The following TBCE variants were observed in gnomAD, a reference collection of about 807,000 sequenced individuals.
The protein encoded by TBCE is tubulin folding cofactor E.
Under a neutral mutation model 77.0 loss-of-function variants are expected in TBCE, and 53 were observed. The ratio of observed to expected loss-of-function variants is 0.69; its 90% CI spans 0.55 to 0.87. The LOEUF (loss-of-function observed/expected upper bound fraction) is 0.87, where lower values mean the gene tolerates loss of function less well. Among genes scored for constraint, TBCE ranks in the 40% least tolerant of loss-of-function variants. The pLI is 0.00. For synonymous variants in TBCE, 235 were observed against 241.3 expected (o/e 0.97, Z 0.24); for missense variants, 624 against 622.4 (o/e 1.00, Z -0.03).
intron 16 of TBCE, 88 bp downstream of exon 16, chr1:235,448,528 T>G (rs1470828068): frequency 1.4e-6 from 2 of 1,439,204 alleles, no homozygotes; most frequent in African/African-American, 2.8e-5. Flanking sequence ...AACAGTTTGA[T>G]TCTAAATGGA....
chr1:235,423,746 T>C (rs954149467), intron 5 of TBCE: 2 of 152,382 alleles, frequency 1.3e-5, no homozygotes, highest in Non-Finnish European at 2.9e-5. Context: ...TTCCATTTGA[T>C]GCGACGGCCA....
chr1:235,401,417 G>C, intron 2 of TBCE, 86 bp from the exon 3 acceptor site: 4 of 1,140,794 alleles, frequency 3.5e-6, no homozygotes, highest in Non-Finnish European at 5.3e-6. Flanking sequence ...TATGGTTTCC[G>C]CTGCAAATTG....
In TBCE at chr1:235,374,415, C is replaced by T. The variant is rs1417407595; in HGVS notation, c.-31-5604C>T. On this transcript the variant is annotated intron_variant, in intron 1 of 16. Coordinates refer to ENST00000642610, the MANE Select transcript of TBCE (RefSeq NM_003193.5). ...AATGCTATAAGGAGGGTTTAAGGAG[C>T]TGGAAATGTTTACCCTGGTAGAGAG... is the stretch of plus-strand genomic sequence containing the variant. 3.4e-5 allele frequency among the ~76,000 whole-genome samples: 5 copies of T among 146,278 alleles called. 1 individual carries two copies. The highest frequency in any genetic ancestry group is 1.3e-4 in the African/African-American group (5 of 37,956).
At chr1:235,395,996 G>A (rs1385153108) in intron 2 of TBCE, among the ~76,000 whole-genome samples, 4 of 152,070 alleles carry the variant, frequency 2.6e-5, no homozygotes, top group Non-Finnish European at 4.4e-5. Flanking sequence ...GCAAATGACA[G>A]GATCTCATTA....
chr1:235,440,836 C>G (rs932923542), intron 13 of TBCE: 2 of 152,260 alleles, frequency 1.3e-5, no homozygotes, highest in African/African-American at 4.8e-5. Context: ...CTTAAATCCT[C>G]CAGCCTGGTT....
At chr1:235,429,757 GC>G (rs1207977090) in intron 6 of TBCE, 1 of 147,430 alleles carries the variant, frequency 6.8e-6, no homozygotes, top group Non-Finnish European at 1.5e-5. Flanking sequence ...TCACTCTGTT[GC>G]CCAGGCTGGA....
At chr1:235,385,861 T>C (rs955455396) in intron 2 of TBCE, among the ~76,000 whole-genome samples, 5 of 152,218 alleles carry the variant, frequency 3.3e-5, no homozygotes, top group African/African-American at 1.2e-4. Flanking sequence ...CCTGTCATTA[T>C]GATGTTAGCT....
chr1:235,412,891 C>T (rs915965635), intron 3 of TBCE, among the ~76,000 whole-genome samples: 2 of 152,168 alleles, frequency 1.3e-5, no homozygotes, highest in African/African-American at 4.8e-5. Context: ...GCAACCTCTG[C>T]CTCCCGGGTT....
chr1:235,403,005 C>A (rs1572369122), intron 3 of TBCE, among the ~76,000 whole-genome samples: 2 of 152,188 alleles, frequency 1.3e-5, no homozygotes, highest in East Asian at 3.9e-4. Flanking sequence ...AATTAGGTAA[C>A]CACACAGCAT....
chr1:235,373,941 A>G (rs892095496), intron 1 of TBCE, among the ~76,000 whole-genome samples: 2 of 144,028 alleles, frequency 1.4e-5, no homozygotes, highest in African/African-American at 5.4e-5. Context: ...GAGCCACCGC[A>G]CCCAGACTTG....
chr1:235,390,041 G>T (rs1438550161), intron 2 of TBCE, among the ~76,000 whole-genome samples: 6 of 151,746 alleles, frequency 4.0e-5, no homozygotes, highest in Non-Finnish European at 8.8e-5. Context: ...CAGCAGAATC[G>T]CTTGAACACG....
intron 14 of TBCE, 49 bp from the exon 15 acceptor site, chr1:235,442,803 C>A: frequency 1.3e-6 from 2 of 1,565,858 alleles, no homozygotes; most frequent in Non-Finnish European, 1.8e-6. Context: ...TAATTTAAAT[C>A]CATATAATAG....
At chr1:235,382,434 G>A (rs1677737631) in intron 2 of TBCE, among the ~76,000 whole-genome samples, 1 of 152,140 alleles carries the variant, frequency 6.6e-6, no homozygotes, top group Non-Finnish European at 1.5e-5. Context: ...CCCACCAACA[G>A]TGTAAAAGTG....
intron 11 of TBCE, among the ~76,000 whole-genome samples, 183 bp from the exon 12 acceptor site, chr1:235,437,129 AAAAACAAAAC>A (rs202162200): frequency 6.6e-6 from 1 of 152,080 alleles, no homozygotes; most frequent in African/African-American, 2.4e-5. Flanking sequence ...CTCCATCTCA[AAAAACAAAAC>A]AAAACAAAAC....
intron 3 of TBCE, among the ~76,000 whole-genome samples, chr1:235,403,927 T>C (rs112819891): frequency 1.7e-4 from 26 of 152,302 alleles, no homozygotes; most frequent in Middle Eastern, 3.4e-3. Flanking sequence ...TGCTGAATAC[T>C]GTAGGCAATT....
intron 2 of TBCE, among the ~76,000 whole-genome samples, chr1:235,387,714 T>C (rs1338091774): frequency 2.0e-5 from 3 of 152,164 alleles, no homozygotes; most frequent in Non-Finnish European, 2.9e-5. Flanking sequence ...CCCCTTTCTT[T>C]GACTAGCAAA....
chr1:235,374,910 CT>C lies in TBCE; in HGVS notation c.-31-5100del, dbSNP rs1179023314. 1.5e-4 allele frequency among the ~76,000 whole-genome samples: 19 copies of C among 128,770 alleles called. 3 individuals are homozygous for C. The highest frequency in any genetic ancestry group is 5.7e-4 in the African/African-American group (18 of 31,488). 84.5% of individuals were successfully genotyped at this position (128,770 alleles called of 152,430 possible). ...GTGAAAATGATAGAGATGTAGATTTCTTTTTTTTTCTTTTTTTTTTTTTTTT... is the reference window on the plus strand; with the variant it reads ...GTGAAAATGATAGAGATGTAGATTTCTTTTTTTTCTTTTTTTTTTTTTTTT... On this transcript the variant is annotated intron_variant, in intron 1 of 16. Transcript: ENST00000642610.
At chr1:235,418,011 A>G (rs1680198854) in intron 4 of TBCE, among the ~76,000 whole-genome samples, 1 of 151,844 alleles carries the variant, frequency 6.6e-6, no homozygotes, top group Admixed American at 6.6e-5. Context: ...CGAACTCCTG[A>G]CCCCAGGTGA....
rs75119619 is a variant in TBCE at position 235,423,946 on chromosome 1, G to A, written c.461-3194G>A. Among the ~76,000 whole-genome samples, 110 of 152,284 alleles carry A rather than the reference G, an allele frequency of 7.2e-4. 1 individual carries two copies. Among genetic ancestry groups the A allele is most frequent in the African/African-American group, 2.6e-3 (106 of 41,566 alleles). On this transcript the variant is annotated intron_variant, in intron 5 of 16. Coordinates refer to ENST00000642610, the MANE Select transcript of TBCE (RefSeq NM_003193.5). The stretch of plus-strand genomic sequence containing the variant: ...GCATCTTCTCTGCCGTCCTTCCCTT[G>A]TTCCTGACCTTCTTGCAGAGCTTCC...
Sources: gnomAD v4.1 joint callset for allele counts (sites outside exome capture counted in the v4.1 genomes callset) on GRCh38, gnomAD v4.1.1 for gene constraint, MANE v1.5 for transcripts, NCBI Gene and HGNC (gene_info 2026-07-23, HGNC 2026-07-21) for gene names.